GLIS3: variants seen among roughly 807,000 people sequenced by gnomAD.
GLIS3 encodes GLIS family zinc finger 3.
A neutral mutation model predicts 78.6 loss-of-function variants in GLIS3; 53 were observed. That is an observed-to-expected ratio of 0.67 (90% confidence interval 0.54 to 0.85). GLIS3 has a LOEUF of 0.85. Among genes scored for constraint, GLIS3 ranks in the 40% least tolerant of loss-of-function variants. GLIS3 has a pLI of 0.00. For synonymous variants in GLIS3, 684 were observed against 509.9 expected, an observed-to-expected ratio of 1.34 and a Z score of -4.60; for missense variants, 1,703 against 1,231.1, an observed-to-expected ratio of 1.38 and a Z score of -5.74.
At chr9:4,094,862 T>G (rs943317874) in intron 4 of GLIS3, among the ~76,000 whole-genome samples, 19 of 152,180 alleles carry the variant, frequency 1.2e-4, no homozygotes, top group African/African-American at 4.6e-4. Context: ...ATATTTGCTA[T>G]ATATCAAATG....
intron 4 of GLIS3, among the ~76,000 whole-genome samples, chr9:4,107,030 T>C (rs7026695): frequency 0.23 from 34,989 of 151,922 alleles, 4,205 homozygotes; most frequent in Admixed American, 0.29. Flanking sequence ...AAAAAATGGT[T>C]GGGCTGGGAA....
intron 4 of GLIS3, among the ~76,000 whole-genome samples, chr9:4,002,757 C>G (rs1821212942): frequency 6.6e-6 from 1 of 152,184 alleles, no homozygotes; most frequent in African/African-American, 2.4e-5. Flanking sequence ...ACATGGATGT[C>G]TGCTGGGAGA....
chr9:3,954,778 T>C (rs923026693), intron 4 of GLIS3, among the ~76,000 whole-genome samples: 1 of 152,202 alleles, frequency 6.6e-6, no homozygotes, highest in African/African-American at 2.4e-5. Flanking sequence ...TCTTTCAGGA[T>C]CTAGAGGATG....
At chr9:4,483,645 G>A in the GLIS3 span, among the ~76,000 whole-genome samples, 3 of 151,818 alleles carry the variant, frequency 2.0e-5, no homozygotes, top group South Asian at 6.3e-4. Context: ...ACTTGAACCT[G>A]GGAGGCGGAG....
At chr9:4,161,343 T>C (rs1359524556) in intron 2 of GLIS3, among the ~76,000 whole-genome samples, 1 of 152,116 alleles carries the variant, frequency 6.6e-6, no homozygotes, top group Non-Finnish European at 1.5e-5. Context: ...TTTTAATCAA[T>C]TAGAAAATTT....
rs570636991 is a variant in GLIS3 at position 4,322,102 on chromosome 9, C to T, written n.265-11574G>A. On this transcript the variant is annotated intron_variant and non_coding_transcript_variant, in intron 2 of 4. Transcript: ENST00000471664. ...GTCCAAGTGTTCTCATTGTTCAGTT[C>T]CCACCTATGAGTGAGAACATGCGGT... Among the ~76,000 whole-genome samples the T allele has an allele frequency of 2.6e-5, 4 of 152,162 alleles. No individual in the cohort carries two copies. The South Asian group carries it at 6.3e-4, about 24-fold the overall frequency.
chr9:4,482,289 A>T, the GLIS3 span, among the ~76,000 whole-genome samples: 1 of 152,242 alleles, frequency 6.6e-6, no homozygotes, highest in Non-Finnish European at 1.5e-5. Context: ...TATAACTAAT[A>T]GATAAGTTCT....
intron 2 of GLIS3, among the ~76,000 whole-genome samples, chr9:4,241,762 A>G (rs971437548): frequency 6.6e-6 from 1 of 152,154 alleles, no homozygotes; most frequent in Non-Finnish European, 1.5e-5. Flanking sequence ...GGCTCACTGC[A>G]ACCCCTGCCT....
chr9:3,961,971 G>A (rs1278358542), intron 4 of GLIS3, among the ~76,000 whole-genome samples: 9 of 152,184 alleles, frequency 5.9e-5, no homozygotes, highest in South Asian at 2.1e-4. Context: ...TTGGGAGGCC[G>A]AGGCAGGCGG....
chr9:4,138,726 T>A (rs191886158), intron 2 of GLIS3, among the ~76,000 whole-genome samples: 83 of 152,356 alleles, frequency 5.4e-4, no homozygotes, highest in African/African-American at 1.9e-3. Flanking sequence ...GAAATGGGGA[T>A]GATAATTGTT....
chr9:4,300,108 G>A (rs1816997547), upstream of GLIS3, among the ~76,000 whole-genome samples: 1 of 151,212 alleles, frequency 6.6e-6, no homozygotes, highest in South Asian at 2.1e-4. Flanking sequence ...TGCTTCCTGA[G>A]TGTGAGCGCC....
At chr9:4,408,378 C>T in the GLIS3 span, among the ~76,000 whole-genome samples, 61 of 148,392 alleles carry the variant, frequency 4.1e-4, no homozygotes, top group African/African-American at 1.5e-3. Context: ...GAGAATAGAA[C>T]GATGGTTACC....
chr9:4,169,758 G>A (rs1325162081), intron 2 of GLIS3, among the ~76,000 whole-genome samples: 4 of 152,182 alleles, frequency 2.6e-5, no homozygotes, highest in African/African-American at 7.2e-5. Context: ...AGGGGATGAT[G>A]AAGCAAATGT....
chr9:3,857,235 A>C (rs900639201), intron 8 of GLIS3, among the ~76,000 whole-genome samples: 3 of 152,218 alleles, frequency 2.0e-5, no homozygotes, highest in African/African-American at 7.2e-5. Flanking sequence ...ACTTTTAATC[A>C]GCTGTTCCTT....
intron 6 of GLIS3, 86 bp from the exon 7 acceptor site, chr9:3,898,921 C>T: frequency 6.4e-7 from 1 of 1,568,566 alleles, no homozygotes; most frequent in Non-Finnish European, 8.7e-7. Context: ...TCTATCAGTG[C>T]AACTCAGCCC....
upstream of GLIS3, among the ~76,000 whole-genome samples, chr9:4,304,761 C>G (rs1279440547): frequency 6.6e-6 from 1 of 152,142 alleles, no homozygotes; most frequent in Non-Finnish European, 1.5e-5. Flanking sequence ...AGACTCCTCC[C>G]CAACTCACCT....
chr9:4,352,567 G>C (rs1219315126), upstream of GLIS3, among the ~76,000 whole-genome samples: 1 of 152,240 alleles, frequency 6.6e-6, no homozygotes, highest in Non-Finnish European at 1.5e-5. Context: ...CCGTTTAAGT[G>C]AACTCTGTCT....
chr9:4,136,493 C>T (rs1404503340), intron 2 of GLIS3, among the ~76,000 whole-genome samples: 2 of 152,124 alleles, frequency 1.3e-5, no homozygotes, highest in African/African-American at 4.8e-5. Flanking sequence ...CTTCAGGAGC[C>T]TTTAAAAATG....
At chr9:3,885,887 G>C (rs1822042444) in intron 7 of GLIS3, among the ~76,000 whole-genome samples, 1 of 152,200 alleles carries the variant, frequency 6.6e-6, no homozygotes, top group Non-Finnish European at 1.5e-5. Flanking sequence ...ACCTGAATTA[G>C]AATCTTAGCC....
Sources: gnomAD v4.1 joint callset for allele counts (sites outside exome capture counted in the v4.1 genomes callset) on GRCh38, gnomAD v4.1.1 for gene constraint, MANE v1.5 for transcripts, NCBI Gene and HGNC (gene_info 2026-07-23, HGNC 2026-07-21) for gene names.